SYNPR: variants seen among roughly 807,000 people sequenced by gnomAD.
The protein encoded by SYNPR is synaptoporin.
In SYNPR, 23 loss-of-function variants were observed where a neutral mutation model predicts 32.9. The observed-to-expected ratio is 0.70, with a 90% CI of 0.50 to 0.99. SYNPR has a LOEUF of 0.99. Among genes scored for constraint, SYNPR ranks in the 50% least tolerant of loss-of-function variants. The probability of loss-of-function intolerance (pLI) is 0.00; values close to 1 mark genes in which losing one functional copy is unlikely to be tolerated. For synonymous variants in SYNPR, 146 were observed against 135.9 expected (o/e 1.07, Z -0.52); for missense variants, 318 against 349.3 (o/e 0.91, Z 0.71).
intron 4 of SYNPR, among the ~76,000 whole-genome samples, chr3:63,593,665 A>G (rs576258825): frequency 6.6e-6 from 1 of 152,350 alleles, no homozygotes; most frequent in East Asian, 1.9e-4. Flanking sequence ...GAAACCCTAC[A>G]TTAATTCTCA....
chr3:63,229,342 A>G (rs149055615), intron 1 of SYNPR, among the ~76,000 whole-genome samples: 1 of 152,022 alleles, frequency 6.6e-6, no homozygotes, highest in East Asian at 1.9e-4. Context: ...ATCAAAAACT[A>G]TTGTCGACAA....
At chr3:63,415,441 A>G (rs2088528008) in intron 2 of SYNPR, among the ~76,000 whole-genome samples, 1 of 152,094 alleles carries the variant, frequency 6.6e-6, no homozygotes, top group Non-Finnish European at 1.5e-5. Flanking sequence ...TACGTTTTTA[A>G]AGGTTATTTA....
At chr3:63,280,860 G>A (rs756835667) in intron 2 of SYNPR, among the ~76,000 whole-genome samples, 1 of 152,196 alleles carries the variant, frequency 6.6e-6, no homozygotes, top group Non-Finnish European at 1.5e-5. Flanking sequence ...TCTAAGGCTC[G>A]AAGGAGGAAG....
intron 2 of SYNPR, among the ~76,000 whole-genome samples, chr3:63,330,629 T>C (rs1210132381): frequency 2.0e-5 from 3 of 152,172 alleles, no homozygotes; most frequent in Non-Finnish European, 4.4e-5. Context: ...TAAACACTTA[T>C]AAAATATTCT....
intron 2 of SYNPR, among the ~76,000 whole-genome samples, chr3:63,424,390 C>A (rs1425131336): frequency 6.6e-6 from 1 of 152,060 alleles, no homozygotes; most frequent in Non-Finnish European, 1.5e-5. Context: ...GCCCCTCCAC[C>A]CATGCCCACA....
the SYNPR span, among the ~76,000 whole-genome samples, chr3:63,218,984 C>T: frequency 1.3e-5 from 2 of 152,178 alleles, no homozygotes; most frequent in Non-Finnish European, 2.9e-5. Context: ...GATCCCTGCT[C>T]TTACAGCAGT....
intron 2 of SYNPR, among the ~76,000 whole-genome samples, chr3:63,341,188 G>T (rs1249962445): frequency 1.3e-5 from 2 of 152,072 alleles, no homozygotes; most frequent in Non-Finnish European, 1.5e-5. Context: ...TGCGCTTAAG[G>T]TTACTCCATG....
intron 2 of SYNPR, among the ~76,000 whole-genome samples, chr3:63,318,220 T>C (rs368373315): frequency 1.3e-5 from 2 of 152,056 alleles, no homozygotes; most frequent in Admixed American, 6.6e-5. Context: ...GATAACCTGA[T>C]GACAATGTGC....
chr3:63,295,250 C>A (rs1433853485), intron 2 of SYNPR, among the ~76,000 whole-genome samples: 2 of 152,072 alleles, frequency 1.3e-5, no homozygotes, highest in Admixed American at 6.5e-5. Context: ...TTAATGAGCT[C>A]CAGGCCCTGT....
intron 2 of SYNPR, among the ~76,000 whole-genome samples, chr3:63,442,498 C>A (rs1270290970): frequency 6.6e-6 from 1 of 152,118 alleles, no homozygotes; most frequent in African/African-American, 2.4e-5. Flanking sequence ...CCTGTGGCAG[C>A]CTCTCCAAGA....
intron 2 of SYNPR, among the ~76,000 whole-genome samples, chr3:63,358,320 A>G (rs937944824): frequency 6.6e-6 from 1 of 152,172 alleles, no homozygotes; most frequent in African/African-American, 2.4e-5. Flanking sequence ...ATTTCTTTGC[A>G]TTTTCCAGGT....
At chr3:63,558,848 T>G (rs1702636023) in intron 4 of SYNPR, among the ~76,000 whole-genome samples, 2 of 149,656 alleles carry the variant, frequency 1.3e-5, no homozygotes, top group Admixed American at 1.3e-4. Context: ...AATAATATGC[T>G]TTCCAGAAAA....
chr3:63,455,178 G>A (rs1484746973), intron 2 of SYNPR, among the ~76,000 whole-genome samples: 1 of 151,824 alleles, frequency 6.6e-6, no homozygotes, highest in African/African-American at 2.4e-5. Context: ...TATTCTCTCT[G>A]GTCCACAAAC....
intron 2 of SYNPR, among the ~76,000 whole-genome samples, chr3:63,328,470 T>C (rs377154895): frequency 6.6e-6 from 1 of 152,162 alleles, no homozygotes; most frequent in Non-Finnish European, 1.5e-5. Context: ...CTGGGTTGAG[T>C]GCTCCAGGCC....
intron 2 of SYNPR, among the ~76,000 whole-genome samples, chr3:63,408,836 T>C (rs980795384): frequency 1.3e-5 from 2 of 152,116 alleles, no homozygotes; most frequent in Non-Finnish European, 2.9e-5. Flanking sequence ...GAAATAATGC[T>C]CTACCGGCTA....
intron 3 of SYNPR, among the ~76,000 whole-genome samples, chr3:63,487,796 A>C (rs1051127766): frequency 6.6e-6 from 1 of 152,188 alleles, no homozygotes; most frequent in Non-Finnish European, 1.5e-5. Context: ...CACTAGCATA[A>C]TCCTTGGGAG....
chr3:63,559,179 C>T lies in SYNPR; in HGVS notation c.408+2438C>T, dbSNP rs536543752. Among the ~76,000 whole-genome samples the T allele has an allele frequency of 8.1e-4, 122 of 151,512 alleles. 2 individuals are homozygous for T. The highest frequency in any genetic ancestry group is 2.9e-3 in the African/African-American group (119 of 41,308). On this transcript the variant is annotated intron_variant, in intron 4 of 5. Coordinates refer to ENST00000478300, the MANE Select transcript of SYNPR (RefSeq NM_001130003.2). Reference sequence around the variant, plus strand: ...ACCTCCTGGGTTCAAATGATCTTCCCACCTCAGCCCCCCAAGCTCCCAAGT... The same window carrying T: ...ACCTCCTGGGTTCAAATGATCTTCCTACCTCAGCCCCCCAAGCTCCCAAGT...
intron 2 of SYNPR, among the ~76,000 whole-genome samples, chr3:63,350,899 T>G (rs1560201352): frequency 1.3e-5 from 2 of 152,210 alleles, no homozygotes; most frequent in Non-Finnish European, 2.9e-5. Context: ...CTGTTCAAGG[T>G]GCAGCTCCTT....
intron 2 of SYNPR, among the ~76,000 whole-genome samples, chr3:63,441,644 T>C (rs529258660): frequency 9.9e-5 from 15 of 152,280 alleles, no homozygotes; most frequent in African/African-American, 3.1e-4. Context: ...ACTTCTCTCA[T>C]TGAAGTGCAG....
Sources: allele counts gnomAD v4.1 joint callset (sites outside exome capture counted in the v4.1 genomes callset), GRCh38; gene constraint gnomAD v4.1.1; transcripts MANE v1.5; gene names NCBI Gene and HGNC (gene_info 2026-07-23, HGNC 2026-07-21).